Variants in PACS2 observed in about 807,000 individuals in gnomAD.
PACS2 encodes phosphofurin acidic cluster sorting protein 2, also known as PACS1-like protein.
In PACS2, 36 loss-of-function variants were observed where a neutral mutation model predicts 113.0. The observed-to-expected ratio is 0.32, with a 90% confidence interval of 0.24 to 0.42. The LOEUF (loss-of-function observed/expected upper bound fraction) is 0.42, where lower values mean the gene tolerates loss of function less well. PACS2 is among the 10% of genes least tolerant of loss of function. PACS2 has a pLI of 1.00. For missense variants in PACS2, 1,015 were observed against 1,239.5 expected (o/e 0.82, Z 2.72); for synonymous variants, 589 against 536.1 (o/e 1.10, Z -1.36).
At chr14:105,360,587 C>G (rs1275734778) in intron 4 of PACS2, among the ~76,000 whole-genome samples, 1 of 151,334 alleles carries the variant, frequency 6.6e-6, no homozygotes, top group Non-Finnish European at 1.5e-5. Context: ...ATCATCTGAG[C>G]CTTCGGGGAG....
At chr14:105,384,517 G>A (rs2081106166) in intron 17 of PACS2, 54 bp downstream of exon 17, 1 of 1,159,046 alleles carries the variant, frequency 8.6e-7, no homozygotes, top group Admixed American at 1.9e-5. Flanking sequence ...AGGGGCCCCG[G>A]TTTCCCCAGA....
chr14:105,318,012 C>T (rs1435924556), intron 1 of PACS2, among the ~76,000 whole-genome samples: 1 of 152,234 alleles, frequency 6.6e-6, no homozygotes, highest in East Asian at 1.9e-4. Context: ...CCTGGGTTCC[C>T]AGAGTGTCCT....
intron 20 of PACS2, chr14:105,390,793 A>T (rs587692322): frequency 1.2e-5 from 3 of 255,260 alleles, no homozygotes; most frequent in Non-Finnish European, 2.3e-5. Flanking sequence ...AGGCCTTCCC[A>T]TGCAACCAAG....
chr14:105,352,787 C>T (rs73359058), intron 3 of PACS2, among the ~76,000 whole-genome samples: 5,492 of 128,554 alleles, frequency 0.043, 568 homozygotes, highest in African/African-American at 0.17. Context: ...CCCTCCCCAT[C>T]ACTGTTCCCT....
In PACS2 at chr14:105,365,278, C is replaced by T. The variant is rs1555407671; in HGVS notation, c.424-1935C>T. ...GTGCCCAGCTCAGGGGTGGCTGGCC[C>T]CTTGGCAGGAGGACGCACGCCCCAA... is the stretch of plus-strand genomic sequence containing the variant. On this transcript the variant is annotated intron_variant, in intron 4 of 24. Transcript: ENST00000447393. This position sits in a 1 kb window ranked among gnomAD's most constrained non-coding sequence, Gnocchi z 5.1. Among the ~76,000 whole-genome samples, 1 of 152,158 alleles carries T rather than the reference C, an allele frequency of 6.6e-6. No homozygotes were observed. The highest frequency in any genetic ancestry group is 2.4e-5 in the African/African-American group (1 of 41,432).
In PACS2 at chr14:105,385,718, G is replaced by T; in HGVS notation, c.2033+1G>T. 2 of 1,509,710 alleles carry T rather than the reference G, an allele frequency of 1.3e-6. No individual in the cohort carries two copies. The highest frequency in any genetic ancestry group is 1.8e-6 in the Non-Finnish European group (2 of 1,130,876). 93.5% of individuals were successfully genotyped at this position (1,509,710 alleles called of 1,614,324 possible). A position where few individuals can be genotyped will look rare whatever the true frequency, so the allele number is the denominator to read the frequency against. ...ATTTTCATTTTGACTTTACCCTAAG[G>T]TACGGCTCTGTGGGTCTGCCTCCCA... On this transcript the variant is annotated splice_donor_variant, in intron 19 of 24. Coordinates refer to ENST00000447393, the MANE Select transcript of PACS2 (RefSeq NM_001100913.3). LOFTEE classifies it high-confidence loss of function.
chr14:105,345,396 G>A (rs1316304049), intron 1 of PACS2, among the ~76,000 whole-genome samples: 1 of 152,092 alleles, frequency 6.6e-6, no homozygotes, highest in Non-Finnish European at 1.5e-5. Context: ...AACAGAGCGA[G>A]ACTCCGTCTT....
Position 105,392,820 on chromosome 14 carries a change from G to A in PACS2, c.2457G>A (p.Val819=). ...CCACGCCCACCATGTCCATGACCGTGGTCACCAAGGAGAAGAACAAGAAGG... is the reference window on the plus strand; with the variant it reads ...CCACGCCCACCATGTCCATGACCGTAGTCACCAAGGAGAAGAACAAGAAGG... The part of the protein sequence containing the change: ...AAATPTMSMT[V]VTKEKNKKVM... The change falls in exon 23 of 25, where the codon GTG becomes GTA. Residue 819 remains valine (V), a synonymous_variant. Transcript: ENST00000447393. 1.9e-6 allele frequency: 3 copies of A among 1,606,008 alleles called. No individual in the cohort carries two copies. The highest frequency in any genetic ancestry group is 2.5e-6 in the Non-Finnish European group (3 of 1,179,648).
At chr14:105,364,471 G>A (rs1348448684) in intron 4 of PACS2, among the ~76,000 whole-genome samples, 3 of 144,032 alleles carry the variant, frequency 2.1e-5, no homozygotes, top group Non-Finnish European at 4.6e-5. Context: ...GCGGCGTCCC[G>A]GGTGCGCGGT....
intron 1 of PACS2, among the ~76,000 whole-genome samples, chr14:105,331,170 G>A (rs187907675): frequency 3.9e-5 from 6 of 152,214 alleles, no homozygotes; most frequent in Admixed American, 3.9e-4. Flanking sequence ...GGCCAGGCTG[G>A]TCTCAAACTC....
chr14:105,328,670 C>T (rs930370478), intron 1 of PACS2, among the ~76,000 whole-genome samples: 1 of 152,214 alleles, frequency 6.6e-6, no homozygotes, highest in African/African-American at 2.4e-5. Flanking sequence ...GGCTGGACTC[C>T]CACACTCAGC....
chr14:105,350,772 TAAG>T (rs1332870364), intron 2 of PACS2, among the ~76,000 whole-genome samples: 2 of 152,144 alleles, frequency 1.3e-5, no homozygotes, highest in African/African-American at 2.4e-5. Context: ...GGGGGAATGC[TAAG>T]AGGGACCCGA....
In PACS2 at chr14:105,323,289, C is replaced by T. The variant is rs970990354; in HGVS notation, c.119+8252C>T. Among the ~76,000 whole-genome samples, 1 of 152,232 alleles carries T rather than the reference C, an allele frequency of 6.6e-6. No homozygotes were observed. The highest frequency in any genetic ancestry group is 2.4e-5 in the African/African-American group (1 of 41,466). On this transcript the variant is annotated intron_variant, in intron 1 of 24. Transcript: ENST00000447393. The surrounding 1 kb of genome is among the most constrained non-coding windows in gnomAD (Gnocchi z 4.1). ...GCAACAATTGGACGTGTTGCTCTTC[C>T]TGCCGGATCCTCCACATCCATAGAT...
chr14:105,385,624 T>C, intron 18 of PACS2, 61 bp from the exon 19 acceptor site: 1 of 1,257,598 alleles, frequency 8.0e-7, no homozygotes, highest in Non-Finnish European at 1.1e-6. Context: ...CGGCGGTCCC[T>C]GGAGGGGTCC....
At chr14:105,393,107 T>C in intron 23 of PACS2, 115 bp from the exon 24 acceptor site, 1 of 812,628 alleles carries the variant, frequency 1.2e-6, no homozygotes, top group Non-Finnish European at 2.1e-6. Flanking sequence ...GTTTCCTAGG[T>C]GAGCAGTGCC....
At chr14:105,394,512 G>C (rs2081479180) in intron 24 of PACS2, 42 bp from the exon 25 acceptor site, 4 of 1,605,908 alleles carry the variant, frequency 2.5e-6, no homozygotes, top group Non-Finnish European at 2.5e-6. Context: ...GGGTGGGCAG[G>C]CCGGGCAGGG....
At chr14:105,380,038 C>G in intron 10 of PACS2, 42 bp from the exon 11 acceptor site, 1 of 1,526,092 alleles carries the variant, frequency 6.6e-7, no homozygotes, top group Non-Finnish European at 8.9e-7. Flanking sequence ...GCCTTGGCAC[C>G]TGCAGTTGAG....
chr14:105,305,029 G>A (rs587697974), intron 1 of PACS2, among the ~76,000 whole-genome samples: 27 of 152,326 alleles, frequency 1.8e-4, no homozygotes, highest in East Asian at 1.9e-4. Flanking sequence ...GCCCCAAGGC[G>A]ATGGTTTTAG....
chr14:105,326,576 G>T (rs138257099), intron 1 of PACS2, among the ~76,000 whole-genome samples: 1 of 152,220 alleles, frequency 6.6e-6, no homozygotes, highest in South Asian at 2.1e-4. Context: ...GGTGGGGCCC[G>T]GGAGGGTGGC....
Sources: gnomAD v4.1 joint callset for allele counts (sites outside exome capture counted in the v4.1 genomes callset) on GRCh38, gnomAD v4.1.1 for gene constraint, Gnocchi (gnomAD v3.1) non-coding constraint, MANE v1.5 for transcripts, NCBI Gene and HGNC (gene_info 2026-07-23, HGNC 2026-07-21) for gene names.